SPAG16: variants seen among roughly 807,000 people sequenced by gnomAD.
SPAG16 encodes sperm-associated antigen 16 protein.
SPAG16 carries 86 observed loss-of-function variants against 80.4 expected under a neutral mutation model. That is an observed-to-expected ratio of 1.07 (90% CI 0.90 to 1.28). SPAG16 has a LOEUF of 1.28. Among genes scored for constraint, SPAG16 ranks in the 50% most tolerant of loss-of-function variants. The pLI is 0.00. For synonymous variants in SPAG16, 294 were observed against 265.9 expected, an observed-to-expected ratio of 1.11 and a Z score of -1.03; for missense variants, 870 against 765.3, an observed-to-expected ratio of 1.14 and a Z score of -1.61.
chr2:213,297,030 A>C (rs1290326507), intron 2 of SPAG16: 1 of 1,337,188 alleles, frequency 7.5e-7, no homozygotes, highest in African/African-American at 1.5e-5. Context: ...AGATAAAAGC[A>C]GTTGCCCACA....
intron 10 of SPAG16, among the ~76,000 whole-genome samples, chr2:213,511,421 T>A (rs2075221903): frequency 6.6e-6 from 1 of 152,164 alleles, no homozygotes; most frequent in Non-Finnish European, 1.5e-5. Context: ...AGTGTCTTCT[T>A]GAACTATAAT....
chr2:213,387,356 G>A (rs2067479090), intron 9 of SPAG16, among the ~76,000 whole-genome samples: 1 of 148,248 alleles, frequency 6.7e-6, no homozygotes, highest in South Asian at 2.1e-4. Flanking sequence ...AAGATAAGGG[G>A]CTGCTAACTT....
At chr2:213,533,559 G>T (rs2076145473) in intron 10 of SPAG16, among the ~76,000 whole-genome samples, 1 of 152,120 alleles carries the variant, frequency 6.6e-6, no homozygotes, top group South Asian at 2.1e-4. Flanking sequence ...TGGTACCATA[G>T]GTTGATTGTA....
intron 15 of SPAG16, among the ~76,000 whole-genome samples, chr2:214,265,129 A>T (rs1309318951): frequency 6.6e-6 from 1 of 152,180 alleles, no homozygotes; most frequent in Non-Finnish European, 1.5e-5. Flanking sequence ...TTAGAACAAT[A>T]TTGATGAATC....
chr2:213,621,065 T>C (rs1282125887), intron 10 of SPAG16, among the ~76,000 whole-genome samples: 8 of 152,134 alleles, frequency 5.3e-5, no homozygotes, highest in South Asian at 4.1e-4. Flanking sequence ...AAAACTAGTT[T>C]TAGTACTTAC....
intron 10 of SPAG16, among the ~76,000 whole-genome samples, chr2:213,525,621 C>CTTTATAAATTATAA (rs1296307426): frequency 3.3e-5 from 5 of 152,106 alleles, no homozygotes; most frequent in Non-Finnish European, 7.4e-5. Context: ...TACCCAGTCT[C>CTTTATAAATTATAA]AGGCATGTAT....
chr2:213,667,340 A>G (rs1037111562), intron 10 of SPAG16, among the ~76,000 whole-genome samples: 2 of 152,220 alleles, frequency 1.3e-5, no homozygotes, highest in Non-Finnish European at 2.9e-5. Context: ...TCTGGGAGTC[A>G]GGAGTTCTGG....
At chr2:213,520,465 G>A (rs1394761097) in intron 10 of SPAG16, among the ~76,000 whole-genome samples, 1 of 152,032 alleles carries the variant, frequency 6.6e-6, no homozygotes, top group Non-Finnish European at 1.5e-5. Context: ...GTGGTGGTGG[G>A]CACCTGTAGT....
At position 213,915,375 on chromosome 2, in the gene SPAG16, C is replaced by T. The variant is rs180845893; in HGVS notation, c.1215-14585C>T. 7.2e-4 allele frequency among the ~76,000 whole-genome samples: 110 copies of T among 151,874 alleles called. No individual in the cohort carries two copies. The Middle Eastern group carries it at 0.01, about 14-fold the overall frequency. On this transcript the variant is annotated intron_variant, in intron 11 of 15. Coordinates refer to ENST00000331683, the MANE Select transcript of SPAG16 (RefSeq NM_024532.5). ...CCTCCCACTTATGAGTGAGAACATG[C>T]GGTGTTTGGTTTTCTGTTCCTGTTT... is the stretch of plus-strand genomic sequence containing the variant.
chr2:213,952,347 TAG>T (rs1262757231), intron 12 of SPAG16, among the ~76,000 whole-genome samples: 1 of 152,020 alleles, frequency 6.6e-6, no homozygotes, highest in Non-Finnish European at 1.5e-5. Context: ...GAGACGTTTA[TAG>T]AGATTTTTGG....
chr2:214,388,818 T>C (rs1453814698), intron 15 of SPAG16, among the ~76,000 whole-genome samples: 1 of 152,192 alleles, frequency 6.6e-6, no homozygotes, highest in East Asian at 1.9e-4. Flanking sequence ...ATACCACATA[T>C]ATTGGTTTCT....
chr2:213,759,536 A>AT (rs973607123), intron 10 of SPAG16, among the ~76,000 whole-genome samples: 28 of 152,194 alleles, frequency 1.8e-4, no homozygotes, highest in African/African-American at 6.3e-4. Context: ...TTTATATATT[A>AT]TTGCAGTTAT....
chr2:214,404,728 A>T (rs748297579), intron 15 of SPAG16, among the ~76,000 whole-genome samples: 14 of 152,072 alleles, frequency 9.2e-5, no homozygotes, highest in Non-Finnish European at 1.6e-4. Flanking sequence ...GTGGAGAGGG[A>T]GGCAAAGTGA....
chr2:214,107,908 A>G (rs1234383518), intron 13 of SPAG16, among the ~76,000 whole-genome samples: 1 of 152,128 alleles, frequency 6.6e-6, no homozygotes. Context: ...AAGCTATGCT[A>G]ATTGAGAAAT....
chr2:213,612,087 T>C (rs1463061530), intron 10 of SPAG16, among the ~76,000 whole-genome samples: 1 of 152,218 alleles, frequency 6.6e-6, no homozygotes, highest in Non-Finnish European at 1.5e-5. Context: ...ATTATAATAT[T>C]GGCTGATTCA....
intron 10 of SPAG16, among the ~76,000 whole-genome samples, chr2:213,712,828 A>G (rs1340458688): frequency 6.6e-6 from 1 of 152,202 alleles, no homozygotes; most frequent in African/African-American, 2.4e-5. Flanking sequence ...TTAAAAGGTA[A>G]GAAGATAGAC....
In SPAG16 at chr2:213,859,215, AAC is replaced by A. The variant is rs1458633425; in HGVS notation, c.1071-3269_1071-3268del. On this transcript the variant is annotated intron_variant, in intron 10 of 15. Coordinates refer to ENST00000331683, the MANE Select transcript of SPAG16 (RefSeq NM_024532.5). ...AAAAAAAAAAAAAAAAAAAAAAAAA[AAC>A]TCAATGTCCTCTGACAACTTGATGT... Among the ~76,000 whole-genome samples, 776 of 106,474 alleles carry A rather than the reference AAC, an allele frequency of 7.3e-3. 306 individuals carry two copies. Among genetic ancestry groups the A allele is most frequent in the Non-Finnish European group, 0.011 (571 of 51,422 alleles). The allele number at this position is 106,474 out of a possible 152,430, so 69.9% of individuals were successfully genotyped here. A position where few individuals can be genotyped will look rare whatever the true frequency, so the allele number is the denominator to read the frequency against.
intron 15 of SPAG16, among the ~76,000 whole-genome samples, chr2:214,357,772 G>A (rs1357713166): frequency 6.6e-6 from 1 of 151,652 alleles, no homozygotes; most frequent in Admixed American, 6.6e-5. Flanking sequence ...TATTTATTGT[G>A]ACCTCTGTTT....
At chr2:213,920,419 T>C (rs542579516) in intron 11 of SPAG16, among the ~76,000 whole-genome samples, 1 of 152,280 alleles carries the variant, frequency 6.6e-6, no homozygotes, top group African/African-American at 2.4e-5. Context: ...CACACACACG[T>C]TGGCATGGGG....
Sources: allele counts gnomAD v4.1 joint callset (sites outside exome capture counted in the v4.1 genomes callset), GRCh38; gene constraint gnomAD v4.1.1; transcripts MANE v1.5; gene names NCBI Gene and HGNC (gene_info 2026-07-23, HGNC 2026-07-21).